Variants in HHIP observed in about 807,000 individuals in gnomAD.
HHIP encodes hedgehog-interacting protein.
A neutral mutation model predicts 74.0 loss-of-function variants in HHIP; 12 were observed. The ratio of observed to expected loss-of-function variants is 0.16; its 90% CI spans 0.10 to 0.26. The LOEUF (loss-of-function observed/expected upper bound fraction) is 0.26. Ranked by LOEUF, HHIP falls within the 10% of genes least tolerant of loss-of-function variation. The probability of loss-of-function intolerance (pLI) is 1.00; values close to 1 mark genes in which losing one functional copy is unlikely to be tolerated. For synonymous variants in HHIP, 309 were observed against 311.6 expected (o/e 0.99, Z 0.09); for missense variants, 788 against 845.0 (o/e 0.93, Z 0.84).
Position 144,741,375 on chromosome 4 carries a change from T to A in HHIP, c.*3418T>A, listed in dbSNP as rs1350213490. On this transcript the variant is annotated 3_prime_UTR_variant, in exon 13 of 13. Coordinates refer to ENST00000296575, the MANE Select transcript of HHIP (RefSeq NM_022475.3). Reference sequence around the variant, plus strand: ...TAATCCATTTGCTGTTTTTTTTTTTTTTTTGGTTTCTTTTTTTTTTTTTTT... The same window carrying A: ...TAATCCATTTGCTGTTTTTTTTTTTATTTTGGTTTCTTTTTTTTTTTTTTT... 6.6e-6 allele frequency: 1 copy of A among 151,234 alleles called. No individual in the cohort carries two copies. The highest frequency in any genetic ancestry group is 1.5e-5 in the Non-Finnish European group (1 of 67,836). The allele number at this position is 151,234 out of a possible 1,614,324, so 9.4% of individuals were successfully genotyped here. A position where few individuals can be genotyped will look rare whatever the true frequency, so the allele number is the denominator to read the frequency against.
intron 10 of HHIP, among the ~76,000 whole-genome samples, chr4:144,716,921 G>GAATGTTTA (rs935686850): frequency 9.1e-5 from 12 of 132,336 alleles, no homozygotes; most frequent in African/African-American, 3.4e-4. Flanking sequence ...AGTTAGAGAT[G>GAATGTTTA]AATGTTTAAA....
chr4:144,717,584 T>C (rs1225217718), intron 10 of HHIP, among the ~76,000 whole-genome samples: 2 of 152,156 alleles, frequency 1.3e-5, no homozygotes, highest in Admixed American at 6.5e-5. Context: ...TCTATTCACA[T>C]GATCAATTCA....
intron 4 of HHIP, among the ~76,000 whole-genome samples, chr4:144,695,580 A>G (rs1193092203): frequency 6.6e-6 from 1 of 151,756 alleles, no homozygotes; most frequent in Non-Finnish European, 1.5e-5. Context: ...ATTACTGAAG[A>G]ACACACAAAT....
At chr4:144,684,124 G>A (rs1217384920) in intron 4 of HHIP, among the ~76,000 whole-genome samples, 1 of 147,748 alleles carries the variant, frequency 6.8e-6, no homozygotes, top group Non-Finnish European at 1.5e-5. Flanking sequence ...TGTAATCTCA[G>A]CATTTTGTGA....
chr4:144,714,414 C>A, intron 9 of HHIP, 66 bp downstream of exon 9: 2 of 1,486,580 alleles, frequency 1.3e-6, no homozygotes, highest in Non-Finnish European at 9.3e-7. Context: ...ATTTGGCAAA[C>A]TGCCACAAAA....
intron 11 of HHIP, among the ~76,000 whole-genome samples, chr4:144,719,725 C>T: frequency 6.6e-6 from 1 of 152,094 alleles, no homozygotes; most frequent in East Asian, 1.9e-4. Flanking sequence ...CATAACAAAA[C>T]CTAAGGATTC....
chr4:144,667,397 C>G lies in HHIP; in HGVS notation c.831+7559C>G, dbSNP rs550939507. 2.6e-5 allele frequency among the ~76,000 whole-genome samples: 4 copies of G among 152,192 alleles called. No individual in the cohort carries two copies. The South Asian group carries it at 8.3e-4, about 32-fold the overall frequency. On this transcript the variant is annotated intron_variant, in intron 4 of 12. Coordinates refer to ENST00000296575, the MANE Select transcript of HHIP (RefSeq NM_022475.3). The stretch of plus-strand genomic sequence containing the variant: ...GAACAAAATGTATCTGTATAACTTA[C>G]GGGAAACTCATGATAGTGTTAGCAT...
At chr4:144,695,084 T>A (rs1196995445) in intron 4 of HHIP, among the ~76,000 whole-genome samples, 1 of 151,862 alleles carries the variant, frequency 6.6e-6, no homozygotes, top group Non-Finnish European at 1.5e-5. Context: ...ATGGGTTTTC[T>A]AAATTGTCTT....
chr4:144,715,949 A>G (rs2126666657), intron 10 of HHIP, among the ~76,000 whole-genome samples: 1 of 152,344 alleles, frequency 6.6e-6, no homozygotes, highest in African/African-American at 2.4e-5. Flanking sequence ...AATAGAAATT[A>G]TGTTCTCATG....
intron 4 of HHIP, chr4:144,661,426 G>C (rs1728710852): frequency 6.6e-6 from 1 of 152,044 alleles, no homozygotes; most frequent in Non-Finnish European, 1.5e-5. Context: ...CTGTTATTCT[G>C]GTGAACTTAT....
intron 4 of HHIP, among the ~76,000 whole-genome samples, chr4:144,687,834 A>T (rs1292378277): frequency 1.5e-5 from 2 of 135,392 alleles, no homozygotes; most frequent in Non-Finnish European, 3.0e-5. Flanking sequence ...GATAACTTAC[A>T]TTCTATTTGC....
chr4:144,665,053 G>C (rs1352074645), intron 4 of HHIP, among the ~76,000 whole-genome samples: 2 of 152,082 alleles, frequency 1.3e-5, no homozygotes, highest in African/African-American at 4.8e-5. Context: ...TGCAAATAAA[G>C]ATGTTTTTAT....
intron 11 of HHIP, among the ~76,000 whole-genome samples, chr4:144,733,647 AT>A (rs761577240): frequency 6.6e-5 from 10 of 152,142 alleles, no homozygotes; most frequent in Non-Finnish European, 1.3e-4. Flanking sequence ...TAAGGTGTCC[AT>A]TTGCTTGGCC....
At position 144,738,076 on chromosome 4, in the gene HHIP, TA is replaced by T; in HGVS notation, c.*124del. On this transcript the variant is annotated 3_prime_UTR_variant, in exon 13 of 13. Coordinates refer to ENST00000296575, the MANE Select transcript of HHIP (RefSeq NM_022475.3). ...GTGATTTCATTCTCTTTTATTAATTTAAAAATAATTTCCAGAAATGTGCAGA... is the reference window on the plus strand; with the variant it reads ...GTGATTTCATTCTCTTTTATTAATTTAAAATAATTTCCAGAAATGTGCAGA... 1 of 1,368,358 alleles carries T rather than the reference TA, an allele frequency of 7.3e-7. No individual in the cohort carries two copies. The highest frequency in any genetic ancestry group is 9.4e-7 in the Non-Finnish European group (1 of 1,062,426). The allele number at this position is 1,368,358 out of a possible 1,614,324, so 84.8% of individuals were successfully genotyped here.
At chr4:144,731,966 A>G (rs921227172) in intron 11 of HHIP, among the ~76,000 whole-genome samples, 2 of 152,156 alleles carry the variant, frequency 1.3e-5, no homozygotes, top group Non-Finnish European at 2.9e-5. Flanking sequence ...GGTCTGTGTG[A>G]GGCTCAGGAC....
chr4:144,691,430 A>G (rs1441872823), intron 4 of HHIP, among the ~76,000 whole-genome samples: 1 of 152,208 alleles, frequency 6.6e-6, no homozygotes, highest in African/African-American at 2.4e-5. Flanking sequence ...GAGAAGAGCA[A>G]GGCAATTGGT....
intron 12 of HHIP, among the ~76,000 whole-genome samples, chr4:144,737,325 G>A (rs1241981070): frequency 2.0e-5 from 3 of 152,264 alleles, no homozygotes; most frequent in Non-Finnish European, 1.5e-5. Flanking sequence ...GTTCCTTTCT[G>A]TTGCACTGGA....
intron 4 of HHIP, among the ~76,000 whole-genome samples, chr4:144,664,555 A>C (rs1473437562): frequency 6.6e-6 from 1 of 152,216 alleles, no homozygotes; most frequent in African/African-American, 2.4e-5. Flanking sequence ...GCTTGAGTGA[A>C]ATGAATCAAA....
chr4:144,712,118 C>T (rs201798119), intron 8 of HHIP, 47 bp downstream of exon 8: 145 of 1,544,968 alleles, frequency 9.4e-5, no homozygotes, highest in Admixed American at 2.3e-4. Flanking sequence ...CAAGTTTTGT[C>T]TTAGTATATT....
Sources: allele counts gnomAD v4.1 joint callset (sites outside exome capture counted in the v4.1 genomes callset), GRCh38; gene constraint gnomAD v4.1.1; transcripts MANE v1.5; gene names NCBI Gene and HGNC (gene_info 2026-07-23, HGNC 2026-07-21).